ZYG11B: variants seen among roughly 807,000 people sequenced by gnomAD.
The protein encoded by ZYG11B is zyg-11 family member B, cell cycle regulator.
ZYG11B carries 36 observed loss-of-function variants against 82.4 expected under a neutral mutation model. That is an observed-to-expected ratio of 0.44 (90% CI 0.33 to 0.58). ZYG11B has a LOEUF of 0.58. Ranked by LOEUF, ZYG11B falls within the 20% of genes least tolerant of loss-of-function variation. The pLI is 0.02. For synonymous variants in ZYG11B, 303 were observed against 312.8 expected, an observed-to-expected ratio of 0.97 and a Z score of 0.33; for missense variants, 552 against 895.6, an observed-to-expected ratio of 0.62 and a Z score of 4.90.
intron 12 of ZYG11B, among the ~76,000 whole-genome samples, 176 bp downstream of exon 12, chr1:52,814,088 T>G (rs1645204503): frequency 6.6e-6 from 1 of 152,130 alleles, no homozygotes; most frequent in South Asian, 2.1e-4. Flanking sequence ...GTGCATGATC[T>G]TGGCTCACTG....
Position 52,825,526 on chromosome 1 carries a change from C to A in ZYG11B, c.*3897C>A, listed in dbSNP as rs1645317359. ...TTTCGTGATATATTTCATTTGCAAA[C>A]TTCTACATAATCAAGTTTTATGTTT... On this transcript the variant is annotated 3_prime_UTR_variant, in exon 14 of 14. Transcript: ENST00000294353. The A allele has an allele frequency of 6.6e-6, 1 of 152,000 alleles. No homozygotes were observed. The highest frequency in any genetic ancestry group is 2.1e-4 in the South Asian group (1 of 4,826). The allele number at this position is 152,000 out of a possible 1,614,324, so 9.4% of individuals were successfully genotyped here. A position where few individuals can be genotyped will look rare whatever the true frequency, so the allele number is the denominator to read the frequency against.
rs1240217125 is a variant in ZYG11B at position 52,785,017 on chromosome 1, G to A, written c.1233G>A (p.Leu411=). The change falls in exon 5 of 14, where the codon CTG becomes CTA. Residue 411 remains leucine, a synonymous_variant. Transcript: ENST00000294353. ...VRLLADVTHL[L]LKAMEHFPNH... is the part of the protein sequence containing the mutation. ...TCCTGGCTGATGTGACCCATTTGCTGCTCAAAGCCATGGAACATTTTCCCA... is the reference window on the plus strand; with the variant it reads ...TCCTGGCTGATGTGACCCATTTGCTACTCAAAGCCATGGAACATTTTCCCA... 1 of 1,613,198 alleles carries A rather than the reference G, an allele frequency of 6.2e-7. No individual in the cohort carries two copies. Among genetic ancestry groups the A allele is most frequent in the African/African-American group, 1.3e-5 (1 of 74,844 alleles).
chr1:52,752,928 A>G (rs563935146), intron 1 of ZYG11B, among the ~76,000 whole-genome samples: 71 of 152,074 alleles, frequency 4.7e-4, no homozygotes, highest in South Asian at 1.7e-3. Context: ...GCTCACTGCA[A>G]CCTCTGCCTC....
At chr1:52,769,349 GTTTTAATAAT>G (rs1475855924) in intron 2 of ZYG11B, among the ~76,000 whole-genome samples, 1 of 152,102 alleles carries the variant, frequency 6.6e-6, no homozygotes, top group African/African-American at 2.4e-5. Context: ...AGTGCAACGA[GTTTTAATAAT>G]TTTTATTTAA....
chr1:52,813,766 A>G (rs1440577076), intron 11 of ZYG11B, 33 bp downstream of exon 11: 1 of 1,613,752 alleles, frequency 6.2e-7, no homozygotes, highest in African/African-American at 1.3e-5. Flanking sequence ...AAAGACATTC[A>G]TAGTGGTTAA....
chr1:52,771,132 C>T lies in ZYG11B; in HGVS notation c.309C>T (p.Cys103=). The change falls in exon 3 of 14, where the codon TGC becomes TGT. Residue 103 remains cysteine (C), a synonymous_variant. Transcript: ENST00000294353. This position sits in a 1 kb window ranked among gnomAD's most constrained non-coding sequence, Gnocchi z 5.4. ...ISAVAFRKAF[C]HHKLVELDAT... ...CTGTTGCTTTCCGGAAAGCTTTCTG[C>T]CACCACAAGTTAGTGGAACTTGATG... The T allele has an allele frequency of 6.2e-7, 1 of 1,614,202 alleles. No homozygotes were observed. The highest frequency in any genetic ancestry group is 8.5e-7 in the Non-Finnish European group (1 of 1,180,028).
intron 1 of ZYG11B, among the ~76,000 whole-genome samples, chr1:52,751,278 A>G (rs1474028634): frequency 5.3e-5 from 7 of 131,316 alleles, no homozygotes; most frequent in African/African-American, 2.1e-4. Context: ...ATCCCACCCT[A>G]CCCATTTATC....
intron 1 of ZYG11B, among the ~76,000 whole-genome samples, chr1:52,735,621 C>T (rs953991899): frequency 1.3e-5 from 2 of 152,234 alleles, no homozygotes; most frequent in South Asian, 4.1e-4. Flanking sequence ...ACTGCAGCCT[C>T]CGCCTCCCGA....
At chr1:52,735,244 G>C (rs1644369754) in intron 1 of ZYG11B, among the ~76,000 whole-genome samples, 1 of 151,572 alleles carries the variant, frequency 6.6e-6, no homozygotes, top group African/African-American at 2.4e-5. Flanking sequence ...GGTCAGGCTG[G>C]TATCGAACTC....
chr1:52,741,298 C>CAAAAAAAAAAAAAAAAAAAA (rs770092920), intron 1 of ZYG11B, among the ~76,000 whole-genome samples: 25 of 72,116 alleles, frequency 3.5e-4, no homozygotes, highest in South Asian at 6.4e-4. Flanking sequence ...GACTTCGTCT[C>CAAAAAAAAAAAAAAAAAAAA]AAAAAAAAAA....
intron 10 of ZYG11B, among the ~76,000 whole-genome samples, chr1:52,807,113 C>T (rs1270333832): frequency 1.3e-5 from 2 of 151,846 alleles, no homozygotes; most frequent in Admixed American, 1.3e-4. Flanking sequence ...ATGATCTGCC[C>T]GCCTCAGCCT....
intron 10 of ZYG11B, among the ~76,000 whole-genome samples, chr1:52,803,265 TACACAC>T (rs1227030663): frequency 1.4e-5 from 1 of 72,348 alleles, no homozygotes; most frequent in Admixed American, 1.6e-4. Flanking sequence ...TATATATATA[TACACAC>T]ACACACACAT....
chr1:52,726,966 C>A (rs1418003790), intron 1 of ZYG11B, among the ~76,000 whole-genome samples: 1 of 151,994 alleles, frequency 6.6e-6, no homozygotes, highest in Non-Finnish European at 1.5e-5. Context: ...CCTTTGTCGC[C>A]CACTCCTTGT....
chr1:52,741,957 T>C (rs1466450782), intron 1 of ZYG11B, among the ~76,000 whole-genome samples: 1 of 152,212 alleles, frequency 6.6e-6, no homozygotes, highest in African/African-American at 2.4e-5. Context: ...TATTACATAG[T>C]CTTTTAGAAA....
rs187755107 is a variant in ZYG11B at position 52,778,741 on chromosome 1, A to G, written c.952-1112A>G. ...TCTGCTACCTACGTTTGGTTGCCGA[A>G]TGGCACCTGAACTACATTTTAAGAT... On this transcript the variant is annotated intron_variant, in intron 3 of 13. Transcript: ENST00000294353. 3.3e-3 allele frequency among the ~76,000 whole-genome samples: 501 copies of G among 152,296 alleles called. 5 individuals are homozygous for G. The highest frequency in any genetic ancestry group is 0.011 in the African/African-American group (448 of 41,558).
At chr1:52,809,304 T>C (rs1302043083) in intron 10 of ZYG11B, among the ~76,000 whole-genome samples, 1 of 152,192 alleles carries the variant, frequency 6.6e-6, no homozygotes, top group East Asian at 1.9e-4. Flanking sequence ...ACTGAACGTC[T>C]GTAACCATTA....
intron 8 of ZYG11B, among the ~76,000 whole-genome samples, chr1:52,799,630 C>CTTAAAAATACAAAAT (rs1645059070): frequency 6.7e-6 from 1 of 148,878 alleles, no homozygotes; most frequent in Non-Finnish European, 1.5e-5. Flanking sequence ...CCCATCTCTA[C>CTTAAAAATACAAAAT]TTAAAAATAC....
intron 1 of ZYG11B, among the ~76,000 whole-genome samples, chr1:52,739,455 A>T (rs1401775967): frequency 2.6e-5 from 4 of 152,192 alleles, no homozygotes; most frequent in Non-Finnish European, 5.9e-5. Context: ...GAGTAGATAC[A>T]TTCTATTAGC....
chr1:52,784,961 C>G lies in ZYG11B; in HGVS notation c.1177C>G (p.Gln393Glu). Residue 393 changes from glutamine to glutamate, a missense_variant, in exon 5 of 14, where the codon CAG becomes GAG. Coordinates refer to ENST00000294353, the MANE Select transcript of ZYG11B (RefSeq NM_024646.3). ...CGCCTGTGTATTTAACTTAACCAAG[C>G]AGGATCTTGCTGCAGGGATGCCTGT... ...ASACVFNLTKQDLAAGMPVRL... is the reference protein window; with the variant it reads ...ASACVFNLTKEDLAAGMPVRL... The G allele has an allele frequency of 6.2e-7, 1 of 1,614,166 alleles. No individual in the cohort carries two copies. Among genetic ancestry groups the G allele is most frequent in the Non-Finnish European group, 8.5e-7 (1 of 1,180,016 alleles).
Sources: gnomAD v4.1 joint callset for allele counts (sites outside exome capture counted in the v4.1 genomes callset) on GRCh38, gnomAD v4.1.1 for gene constraint, Gnocchi (gnomAD v3.1) non-coding constraint, MANE v1.5 for transcripts, NCBI Gene and HGNC (gene_info 2026-07-23, HGNC 2026-07-21) for gene names.